The following KANK1 variants were observed in gnomAD, a reference collection of about 807,000 sequenced individuals.
The protein encoded by KANK1 is KN motif and ankyrin repeat domain-containing protein 1.
KANK1 carries 109 observed loss-of-function variants against 106.2 expected under a neutral mutation model. The ratio of observed to expected loss-of-function variants is 1.03; its 90% CI spans 0.88 to 1.20. KANK1 has a LOEUF of 1.20. Among genes scored for constraint, KANK1 ranks in the 50% most tolerant of loss-of-function variants. The probability of loss-of-function intolerance (pLI) is 0.00; values close to 1 mark genes in which losing one functional copy is unlikely to be tolerated. For missense variants in KANK1, 2,399 were observed against 1,710.7 expected, an observed-to-expected ratio of 1.40 and a Z score of -7.10; for synonymous variants, 873 against 652.2, an observed-to-expected ratio of 1.34 and a Z score of -5.16.
chr9:594,839 C>G (rs781647091), intron 1 of KANK1, among the ~76,000 whole-genome samples: 5 of 151,790 alleles, frequency 3.3e-5, no homozygotes, highest in Non-Finnish European at 5.9e-5. Context: ...GATTCCCTGT[C>G]TCTCCTCTTT....
chr9:477,254 A>G (rs549028924), intron 3 of KANK1, among the ~76,000 whole-genome samples: 1 of 151,800 alleles, frequency 6.6e-6, no homozygotes, highest in East Asian at 1.9e-4. Context: ...GCCTAAGGTA[A>G]TTCTTATGAC....
At chr9:637,627 T>A (rs1441573543) in intron 1 of KANK1, among the ~76,000 whole-genome samples, 1 of 152,166 alleles carries the variant, frequency 6.6e-6, no homozygotes, top group Admixed American at 6.5e-5. Flanking sequence ...GGGACCACAC[T>A]TGAGAACCAC....
Position 727,224 on chromosome 9 carries a change from C to T in KANK1, c.2699-2827C>T, listed in dbSNP as rs368366908. 3.3e-5 allele frequency among the ~76,000 whole-genome samples: 5 copies of T among 152,178 alleles called. No individual in the cohort carries two copies. The East Asian group carries it at 7.7e-4, about 24-fold the overall frequency. On this transcript the variant is annotated intron_variant, in intron 3 of 11. Transcript: ENST00000382297. ...CTTTTTGTACATCCTTAGGATAAAA[C>T]TTTTAGACAATTAAGTGAAATAATT...
rs1036299716 is a variant in KANK1, at chr9:745,941, G to C, written c.*706G>C. ...CAATGCTAAAGGTTGGATTGTGTTAGAGGAATCGGCTCTGTATTTGCCTCT... is the reference window on the plus strand; with the variant it reads ...CAATGCTAAAGGTTGGATTGTGTTACAGGAATCGGCTCTGTATTTGCCTCT... On this transcript the variant is annotated 3_prime_UTR_variant, in exon 12 of 12. Coordinates refer to ENST00000382297, the MANE Select transcript of KANK1 (RefSeq NM_015158.5). The C allele has an allele frequency of 1.3e-5, 2 of 152,652 alleles. No individual in the cohort carries two copies. The highest frequency in any genetic ancestry group is 2.9e-5 in the Non-Finnish European group (2 of 68,052). 9.5% of individuals were successfully genotyped at this position (152,652 alleles called of 1,614,324 possible).
chr9:716,818 AT>A (rs1564066597), intron 3 of KANK1, among the ~76,000 whole-genome samples: 1 of 152,098 alleles, frequency 6.6e-6, no homozygotes, highest in African/African-American at 2.4e-5. Flanking sequence ...CTACAAAAAA[AT>A]TTTTTTTAAT....
rs1480250143 is a variant in KANK1, at chr9:712,564, T to A, written c.1798T>A (p.Cys600Ser). 12 of 1,614,044 alleles carry A rather than the reference T, an allele frequency of 7.4e-6. No homozygotes were observed. Among genetic ancestry groups the A allele is most frequent in the South Asian group, 6.6e-5 (6 of 91,084 alleles). Residue 600 changes from cysteine to serine, a missense_variant, in exon 3 of 12, where the codon TGC becomes AGC. Physicochemically the swap from Cys to Ser is moderately radical, Grantham distance 112. Coordinates refer to ENST00000382297, the MANE Select transcript of KANK1 (RefSeq NM_015158.5). ...DKSVSVEVSV[C>S]ETGSNTEESV... ...GAGTGTGAGTGTGGAAGTCAGCGTC[T>A]GCGAAACAGGCAGCAACACAGAGGA...
intron 1 of KANK1, among the ~76,000 whole-genome samples, chr9:657,806 G>A (rs1464929518): frequency 6.6e-6 from 1 of 151,896 alleles, no homozygotes; most frequent in East Asian, 1.9e-4. Context: ...GCTTAAGTTA[G>A]GAACTTTTAT....
At chr9:625,947 C>A (rs992662908) in intron 1 of KANK1, among the ~76,000 whole-genome samples, 1 of 152,094 alleles carries the variant, frequency 6.6e-6, no homozygotes, top group East Asian at 1.9e-4. Context: ...CACCTTCAGT[C>A]ACTTCAGAAA....
At chr9:534,534 C>T (rs2060208665) in intron 1 of KANK1, among the ~76,000 whole-genome samples, 1 of 152,176 alleles carries the variant, frequency 6.6e-6, no homozygotes, top group Non-Finnish European at 1.5e-5. Flanking sequence ...TGAAACATAC[C>T]AGCAGAGAAT....
At chr9:554,027 A>C (rs551353014) in intron 1 of KANK1, among the ~76,000 whole-genome samples, 1 of 152,194 alleles carries the variant, frequency 6.6e-6, no homozygotes, top group Non-Finnish European at 1.5e-5. Flanking sequence ...ACAAATGTAC[A>C]TTTTTGACAA....
intron 2 of KANK1, among the ~76,000 whole-genome samples, chr9:705,119 A>G (rs1823721378): frequency 6.6e-6 from 1 of 152,172 alleles, no homozygotes. Context: ...TCATGGAAGA[A>G]ATGTCCTTAA....
At chr9:732,642 C>T (rs576828922) in intron 6 of KANK1, 25 bp downstream of exon 6, 7 of 1,605,186 alleles carry the variant, frequency 4.4e-6, no homozygotes, top group Non-Finnish European at 6.0e-6. Context: ...CCTTCCCTCC[C>T]TTGCCCCTCC....
chr9:635,136 A>T (rs568452425), intron 1 of KANK1, among the ~76,000 whole-genome samples: 1 of 152,110 alleles, frequency 6.6e-6, no homozygotes, highest in East Asian at 1.9e-4. Flanking sequence ...AGAGTCAACC[A>T]CCAGGACTAC....
chr9:616,929 G>T (rs1022287346), intron 1 of KANK1, among the ~76,000 whole-genome samples: 3 of 152,202 alleles, frequency 2.0e-5, no homozygotes, highest in Admixed American at 6.5e-5. Flanking sequence ...TGCCACACCC[G>T]AGTTGAGTGA....
At chr9:725,698 A>C (rs980841043) in intron 3 of KANK1, among the ~76,000 whole-genome samples, 2 of 152,148 alleles carry the variant, frequency 1.3e-5, no homozygotes, top group South Asian at 4.1e-4. Context: ...ATCTCCTGGC[A>C]GCATGTTCCT....
intron 1 of KANK1, among the ~76,000 whole-genome samples, chr9:590,385 C>G (rs180899288): frequency 5.9e-5 from 9 of 152,252 alleles, no homozygotes; most frequent in East Asian, 1.9e-4. Context: ...ATTTTCTCAT[C>G]CAACTCCAGT....
chr9:560,337 T>C (rs1411253436), intron 1 of KANK1, among the ~76,000 whole-genome samples: 2 of 152,226 alleles, frequency 1.3e-5, no homozygotes, highest in Admixed American at 6.5e-5. Flanking sequence ...GATAGATGAA[T>C]GTGTTGCAGG....
chr9:699,684 C>T (rs1589015314), intron 2 of KANK1, among the ~76,000 whole-genome samples: 1 of 152,206 alleles, frequency 6.6e-6, no homozygotes, highest in Non-Finnish European at 1.5e-5. Flanking sequence ...GTCAACTGAC[C>T]TGATATTTCT....
chr9:476,390 G>T (rs988621494), intron 3 of KANK1, among the ~76,000 whole-genome samples: 1 of 151,932 alleles, frequency 6.6e-6, no homozygotes, highest in African/African-American at 2.4e-5. Context: ...GCATGGTGGG[G>T]TATGCCTGTA....
Sources: gnomAD v4.1 joint callset for allele counts (sites outside exome capture counted in the v4.1 genomes callset) on GRCh38, gnomAD v4.1.1 for gene constraint, MANE v1.5 for transcripts, NCBI Gene and HGNC (gene_info 2026-07-23, HGNC 2026-07-21) for gene names.